Variants in KIAA1549L observed in about 807,000 individuals in gnomAD.
The protein encoded by KIAA1549L is KIAA1549 like.
KIAA1549L carries 88 observed loss-of-function variants against 160.7 expected under a neutral mutation model. That is an observed-to-expected ratio of 0.55 (90% confidence interval 0.46 to 0.65). The LOEUF (loss-of-function observed/expected upper bound fraction) is 0.65. KIAA1549L is among the 30% of genes least tolerant of loss of function. The probability of loss-of-function intolerance (pLI) is 0.00; values close to 1 mark genes in which losing one functional copy is unlikely to be tolerated. For missense variants in KIAA1549L, 2,258 were observed against 2,437.5 expected, an observed-to-expected ratio of 0.93 and a Z score of 1.55; for synonymous variants, 950 against 976.7, an observed-to-expected ratio of 0.97 and a Z score of 0.51.
At chr11:33,627,514 A>AT (rs1851151493) in intron 16 of KIAA1549L, among the ~76,000 whole-genome samples, 1 of 151,808 alleles carries the variant, frequency 6.6e-6, no homozygotes, top group Non-Finnish European at 1.5e-5. Context: ...GAATTTATCC[A>AT]TTTCTTCTAG....
intron 1 of KIAA1549L, among the ~76,000 whole-genome samples, chr11:33,517,155 C>G (rs1245482603): frequency 6.6e-6 from 1 of 152,208 alleles, no homozygotes; most frequent in South Asian, 2.1e-4. Context: ...ATGTCTCTCC[C>G]TTTCCGCCTT....
In KIAA1549L at chr11:33,661,005, G is replaced by A. The variant is rs1360091497; in HGVS notation, c.6150G>A (p.Trp2050Ter). 6.2e-6 allele frequency: 10 copies of A among 1,609,018 alleles called. No individual in the cohort carries two copies. The highest frequency in any genetic ancestry group is 8.5e-6 in the Non-Finnish European group (10 of 1,177,636). The change falls in exon 20 of 21, where the codon TGG becomes TGA. Residue 2050 changes from tryptophan (W) to a stop codon, truncating the protein, a stop_gained. Coordinates refer to ENST00000658780, the MANE Select transcript of KIAA1549L (RefSeq NM_012194.3). LOFTEE classifies it high-confidence loss of function. ...GAGAGAATGAGCTCCCGAGCCAGTG[G>A]GCAGATTCGGTGAGACCCTTGCTCT... ...YAGENELPSQ[W>*]ADSVPLPGYI...
chr11:33,417,530 GC>G (rs1334267851), intron 1 of KIAA1549L, among the ~76,000 whole-genome samples: 1 of 152,134 alleles, frequency 6.6e-6, no homozygotes, highest in East Asian at 1.9e-4. Flanking sequence ...CCGACTTTCA[GC>G]CATGTCTTTT....
At chr11:33,479,103 T>C (rs1852355350) in intron 1 of KIAA1549L, among the ~76,000 whole-genome samples, 1 of 152,116 alleles carries the variant, frequency 6.6e-6, no homozygotes, top group African/African-American at 2.4e-5. Context: ...TTTTCACCAG[T>C]GCTCATTATG....
chr11:33,561,162 G>T (rs750939375), intron 7 of KIAA1549L, among the ~76,000 whole-genome samples: 1 of 152,188 alleles, frequency 6.6e-6, no homozygotes, highest in African/African-American at 2.4e-5. Flanking sequence ...CTATCCAGGA[G>T]ATAATCATTC....
intron 1 of KIAA1549L, among the ~76,000 whole-genome samples, chr11:33,466,383 G>T (rs1479448530): frequency 6.6e-6 from 1 of 152,202 alleles, no homozygotes; most frequent in Non-Finnish European, 1.5e-5. Flanking sequence ...ATCATTACTG[G>T]TCATCAGAGA....
rs188634523 is a variant in KIAA1549L at position 33,672,021 on chromosome 11, G to A, written c.*3867G>A. On this transcript the variant is annotated 3_prime_UTR_variant, in exon 21 of 21. Transcript: ENST00000658780. ...AAAGGTGTTCCAGGCAAGGAGTTTT[G>A]CAAGGACTAGAAACCCTTTCACACT... is the stretch of plus-strand genomic sequence containing the variant. 7.2e-5 allele frequency: 11 copies of A among 152,328 alleles called. No individual in the cohort carries two copies. In the East Asian group the frequency reaches 1.9e-3, roughly 27 times the overall value. The allele number at this position is 152,328 out of a possible 1,614,324, so 9.4% of individuals were successfully genotyped here. A position where few individuals can be genotyped will look rare whatever the true frequency, so the allele number is the denominator to read the frequency against.
rs761296429 is a variant in KIAA1549L, at chr11:33,609,861, G to T, written c.5174G>T (p.Gly1725Val). ...TTCCCTGCAGTGGAGACGAGCAAGG[G>T]TCTGACCGAAAGAAAGAAGATGTAT... is the stretch of plus-strand genomic sequence containing the variant. ...YDFPAVETSK[G>V]LTERKKMYEK... Residue 1725 changes from glycine (G) to valine (V), a missense_variant, in exon 15 of 21, where the codon GGT (glycine) becomes GTT (valine). Transcript: ENST00000658780. The T allele has an allele frequency of 1.2e-5, 19 of 1,613,908 alleles. No homozygotes were observed. The South Asian group carries it at 2.1e-4, about 18-fold the overall frequency.
At chr11:33,515,352 C>T (rs1474518111) in intron 1 of KIAA1549L, among the ~76,000 whole-genome samples, 1 of 152,222 alleles carries the variant, frequency 6.6e-6, no homozygotes, top group Non-Finnish European at 1.5e-5. Context: ...TGTTTTATGT[C>T]ACTTCCCTAG....
chr11:33,443,490 A>G (rs375413410), intron 1 of KIAA1549L, among the ~76,000 whole-genome samples: 9 of 152,310 alleles, frequency 5.9e-5, no homozygotes, highest in African/African-American at 1.9e-4. Context: ...TCAAGTTGTT[A>G]TCATTCTTCC....
rs1405460672 is a variant in KIAA1549L at position 33,672,875 on chromosome 11, C to T, written c.*4721C>T. 6.5e-6 allele frequency: 1 copy of T among 153,784 alleles called. No homozygotes were observed. Among genetic ancestry groups the T allele is most frequent in the Non-Finnish European group, 1.5e-5 (1 of 68,050 alleles). 9.5% of individuals were successfully genotyped at this position (153,784 alleles called of 1,614,324 possible). A position where few individuals can be genotyped will look rare whatever the true frequency, so the allele number is the denominator to read the frequency against. On this transcript the variant is annotated 3_prime_UTR_variant, in exon 21 of 21. Coordinates refer to ENST00000658780, the MANE Select transcript of KIAA1549L (RefSeq NM_012194.3). ...GAATTGCATGATCTTAGCTCAGGTG[C>T]TACTAATGTGGCTCACGGCCACACA...
intron 13 of KIAA1549L, among the ~76,000 whole-genome samples, chr11:33,605,986 G>A (rs193171309): frequency 7.5e-4 from 115 of 152,328 alleles, no homozygotes; most frequent in East Asian, 2.7e-3. Flanking sequence ...TTAACAGAGC[G>A]TAGGTAGAAA....
At chr11:33,557,258 G>A (rs1854681435) in intron 6 of KIAA1549L, among the ~76,000 whole-genome samples, 1 of 152,182 alleles carries the variant, frequency 6.6e-6, no homozygotes, top group Non-Finnish European at 1.5e-5. Flanking sequence ...CAAAGTGCTG[G>A]GATTACTGGC....
intron 1 of KIAA1549L, among the ~76,000 whole-genome samples, chr11:33,408,819 G>T (rs763700169): frequency 5.6e-4 from 83 of 149,028 alleles, no homozygotes; most frequent in Admixed American, 2.1e-3. Context: ...ACATAGTGGC[G>T]CATGCCTGTA....
intron 1 of KIAA1549L, among the ~76,000 whole-genome samples, chr11:33,383,261 T>TTTTC (rs768523456): frequency 6.6e-6 from 1 of 150,726 alleles, no homozygotes; most frequent in Non-Finnish European, 1.5e-5. Context: ...CATATTGTGG[T>TTTTC]TTTCTTTCTT....
intron 1 of KIAA1549L, among the ~76,000 whole-genome samples, chr11:33,401,388 AT>A (rs1380854650): frequency 6.7e-6 from 1 of 150,096 alleles, no homozygotes; most frequent in East Asian, 1.9e-4. Flanking sequence ...TTTATATATT[AT>A]ATCTATTCAT....
intron 1 of KIAA1549L, among the ~76,000 whole-genome samples, chr11:33,433,937 A>G (rs772444471): frequency 6.6e-6 from 1 of 152,062 alleles, no homozygotes; most frequent in Admixed American, 6.6e-5. Context: ...ATGGCCTGTT[A>G]TGGGGGTCAG....
Position 33,541,898 on chromosome 11 carries a change from T to G in KIAA1549L, c.335T>G (p.Val112Gly). ...PISPTWPFTE[V>G]RSSSAADRIK... is the part of the protein sequence containing the mutation. ...TCACCAACATGGCCTTTCACAGAAG[T>G]CAGGTCTTCCTCAGCAGCAGACAGA... Residue 112 changes from valine to glycine, a missense_variant, in exon 2 of 21, where the codon GTC (valine) becomes GGC (glycine). Physicochemically the swap from Val to Gly is moderately radical, Grantham distance 109. Transcript: ENST00000658780. The G allele has an allele frequency of 3.8e-6, 1 of 265,108 alleles. No individual in the cohort carries two copies. 16.4% of individuals were successfully genotyped at this position (265,108 alleles called of 1,614,324 possible).
chr11:33,492,955 C>CA (rs1440540295), intron 1 of KIAA1549L, among the ~76,000 whole-genome samples: 1 of 151,802 alleles, frequency 6.6e-6, no homozygotes, highest in Non-Finnish European at 1.5e-5. Context: ...ATCAGGAAAA[C>CA]ACAGTGTTTT....
Sources: allele counts gnomAD v4.1 joint callset (sites outside exome capture counted in the v4.1 genomes callset), GRCh38; gene constraint gnomAD v4.1.1; transcripts MANE v1.5; gene names NCBI Gene and HGNC (gene_info 2026-07-23, HGNC 2026-07-21).